Variants in SV2B observed in about 807,000 individuals in gnomAD.
SV2B encodes the protein synaptic vesicle glycoprotein 2B.
SV2B carries 41 observed loss-of-function variants against 73.9 expected under a neutral mutation model. The observed-to-expected ratio is 0.56, with a 90% CI of 0.43 to 0.72. SV2B has a LOEUF of 0.72. Among genes scored for constraint, SV2B ranks in the 30% least tolerant of loss-of-function variants. The pLI, the probability that SV2B is intolerant of heterozygous loss-of-function variation, is 0.00. For missense variants in SV2B, 764 were observed against 857.8 expected, an observed-to-expected ratio of 0.89 and a Z score of 1.37; for synonymous variants, 314 against 314.2, an observed-to-expected ratio of 1.00 and a Z score of 0.01.
At chr15:91,183,440 C>G (rs2044658957) in intron 1 of SV2B, among the ~76,000 whole-genome samples, 1 of 152,202 alleles carries the variant, frequency 6.6e-6, no homozygotes, top group Non-Finnish European at 1.5e-5. Context: ...TATGAACTGT[C>G]TAGATAACTG....
At chr15:91,276,783 C>G (rs149893551) in intron 9 of SV2B, among the ~76,000 whole-genome samples, 2 of 141,884 alleles carry the variant, frequency 1.4e-5, no homozygotes, top group East Asian at 4.0e-4. Context: ...CTGATAGTTC[C>G]AGTATTTATA....
At position 91,281,940 on chromosome 15, in the gene SV2B, A is replaced by G. The variant is rs1006306145; in HGVS notation, c.1507+79A>G. On this transcript the variant is annotated intron_variant, in intron 10 of 12. Coordinates refer to ENST00000394232, the MANE Select transcript of SV2B (RefSeq NM_001323032.3). The surrounding 1 kb of genome is among the most constrained non-coding windows in gnomAD (Gnocchi z 4.7). Reference sequence around the variant, plus strand: ...TGTCCAAGAATCAAAATGGTCAGGCATAAACTTTAGGAGTAGGAAAGTATT... The same window carrying G: ...TGTCCAAGAATCAAAATGGTCAGGCGTAAACTTTAGGAGTAGGAAAGTATT... 25 of 1,479,906 alleles carry G rather than the reference A, an allele frequency of 1.7e-5. No individual in the cohort carries two copies. The highest frequency in any genetic ancestry group is 2.3e-5 in the Non-Finnish European group (25 of 1,099,240). 91.7% of individuals were successfully genotyped at this position (1,479,906 alleles called of 1,614,324 possible). A position where few individuals can be genotyped will look rare whatever the true frequency, so the allele number is the denominator to read the frequency against.
At chr15:91,163,571 A>C (rs1285616043) in intron 1 of SV2B, among the ~76,000 whole-genome samples, 1 of 152,174 alleles carries the variant, frequency 6.6e-6, no homozygotes, top group Non-Finnish European at 1.5e-5. Flanking sequence ...TCTTTTGAGA[A>C]GTGTCTGTTC....
intron 9 of SV2B, among the ~76,000 whole-genome samples, chr15:91,276,883 A>G (rs1314377433): frequency 6.8e-6 from 1 of 147,412 alleles, no homozygotes; most frequent in Non-Finnish European, 1.5e-5. Context: ...GCGCAATGGC[A>G]TGATCTCAGC....
Position 91,290,702 on chromosome 15 carries a change from A to G in SV2B, c.1868+1022A>G, listed in dbSNP as rs1316249944. On this transcript the variant is annotated intron_variant, in intron 12 of 12. Transcript: ENST00000394232. The surrounding 1 kb of genome is among the most constrained non-coding windows in gnomAD (Gnocchi z 4.7). The stretch of plus-strand genomic sequence containing the variant: ...AAACACTCAAATGAAGAAAACCATA[A>G]AGCTTTACTAAGAGATATAAAAAAA... Among the ~76,000 whole-genome samples, 1 of 152,218 alleles carries G rather than the reference A, an allele frequency of 6.6e-6. No homozygotes were observed. Among genetic ancestry groups the G allele is most frequent in the Admixed American group, 6.5e-5 (1 of 15,278 alleles).
chr15:91,286,018 C>T (rs1027284845), intron 11 of SV2B, among the ~76,000 whole-genome samples: 3 of 152,210 alleles, frequency 2.0e-5, no homozygotes, highest in Non-Finnish European at 2.9e-5. Flanking sequence ...GGCACGCTCT[C>T]GAATGAGAGA....
chr15:91,225,310 A>G (rs943066515), intron 1 of SV2B, among the ~76,000 whole-genome samples: 4 of 151,650 alleles, frequency 2.6e-5, no homozygotes, highest in Non-Finnish European at 5.9e-5. Flanking sequence ...GTTTCCGGCT[A>G]TTTTTTTTGG....
At chr15:91,134,430 C>A (rs951721460) in intron 1 of SV2B, among the ~76,000 whole-genome samples, 1 of 152,150 alleles carries the variant, frequency 6.6e-6, no homozygotes, top group African/African-American at 2.4e-5. Flanking sequence ...TGTGGAAATA[C>A]CTTGAGGGAT....
rs1453960758 is a variant in SV2B at position 91,220,463 on chromosome 15, T to C, written c.-391-5410T>C. ...TTGCTCTTGGAATTCTATTTTTCAC[T>C]GAAAGGAGAATATTAAAAGCCTAAT... On this transcript the variant is annotated intron_variant, in intron 1 of 12. Transcript: ENST00000394232. This position sits in a 1 kb window ranked among gnomAD's most constrained non-coding sequence, Gnocchi z 4.1. 6.6e-6 allele frequency among the ~76,000 whole-genome samples: 1 copy of C among 152,264 alleles called. No individual in the cohort carries two copies. The highest frequency in any genetic ancestry group is 1.5e-5 in the Non-Finnish European group (1 of 68,046).
At position 91,245,470 on chromosome 15, in the gene SV2B, C is replaced by A. The variant is rs138496675; in HGVS notation, c.452-6349C>A. ...TAAAGCCTGCTGACAACAGCTGTCT[C>A]TGAGTGGTGGTATGATGAATAGATT... On this transcript the variant is annotated intron_variant, in intron 2 of 12. Transcript: ENST00000394232. This position sits in a 1 kb window ranked among gnomAD's most constrained non-coding sequence, Gnocchi z 4.2. 3.3e-5 allele frequency among the ~76,000 whole-genome samples: 5 copies of A among 152,322 alleles called. No homozygotes were observed. The East Asian group carries it at 9.6e-4, about 29-fold the overall frequency.
Position 91,284,923 on chromosome 15 carries a change from G to C in SV2B, c.1708+702G>C, listed in dbSNP as rs2048808860. ...ACATGCCATGAATGGTAAACAAGAA[G>C]CAAAATGTACAGATTGAGGACCAGG... On this transcript the variant is annotated intron_variant, in intron 11 of 12. Coordinates refer to ENST00000394232, the MANE Select transcript of SV2B (RefSeq NM_001323032.3). The surrounding 1 kb of genome is among the most constrained non-coding windows in gnomAD (Gnocchi z 4.5). 6.6e-6 allele frequency among the ~76,000 whole-genome samples: 1 copy of C among 152,162 alleles called. No homozygotes were observed. The highest frequency in any genetic ancestry group is 1.5e-5 in the Non-Finnish European group (1 of 68,022).
At chr15:91,180,164 G>T (rs1364085183) in intron 1 of SV2B, among the ~76,000 whole-genome samples, 2 of 151,964 alleles carry the variant, frequency 1.3e-5, no homozygotes, top group African/African-American at 2.4e-5. Flanking sequence ...GCTTAGTTTG[G>T]CTGGATATGA....
At chr15:91,162,326 A>G (rs758162774) in intron 1 of SV2B, among the ~76,000 whole-genome samples, 1 of 152,214 alleles carries the variant, frequency 6.6e-6, no homozygotes, top group Admixed American at 6.5e-5. Context: ...CAATAACAAG[A>G]AGTAGGAGCC....
intron 1 of SV2B, among the ~76,000 whole-genome samples, chr15:91,185,792 A>G (rs1369894812): frequency 6.6e-6 from 1 of 152,198 alleles, no homozygotes; most frequent in Non-Finnish European, 1.5e-5. Flanking sequence ...CTTTGTCCAA[A>G]TCAAGGAACT....
In SV2B at chr15:91,296,220, C is replaced by A. The variant is rs1031357473; in HGVS notation, c.*3668C>A. Reference sequence around the variant, plus strand: ...GGACATTGGTGAGTGGGGTAAGAATCCCCGTAGCCCTGGGAAAGGTGTCTC... The same window carrying A: ...GGACATTGGTGAGTGGGGTAAGAATACCCGTAGCCCTGGGAAAGGTGTCTC... On this transcript the variant is annotated 3_prime_UTR_variant, in exon 13 of 13. Transcript: ENST00000394232. 2.6e-5 allele frequency: 4 copies of A among 152,186 alleles called. No individual in the cohort carries two copies. The highest frequency in any genetic ancestry group is 9.7e-5 in the African/African-American group (4 of 41,436). The allele number at this position is 152,186 out of a possible 1,614,324, so 9.4% of individuals were successfully genotyped here.
chr15:91,153,464 T>A (rs1474502811), intron 1 of SV2B, among the ~76,000 whole-genome samples: 1 of 152,130 alleles, frequency 6.6e-6, no homozygotes, highest in Non-Finnish European at 1.5e-5. Context: ...GGCATTTAGC[T>A]TCCCCAAGGC....
chr15:91,212,626 A>G (rs2045905995), intron 1 of SV2B, among the ~76,000 whole-genome samples: 1 of 152,078 alleles, frequency 6.6e-6, no homozygotes, highest in Non-Finnish European at 1.5e-5. Context: ...ATGGCAAGGT[A>G]AAGTGGAATT....
rs1178987138 is a variant in SV2B at position 91,267,547 on chromosome 15, G to C, written c.1120-8G>C. 6.2e-7 allele frequency: 1 copy of C among 1,610,098 alleles called. No individual in the cohort carries two copies. Among genetic ancestry groups the C allele is most frequent in the Non-Finnish European group, 8.5e-7 (1 of 1,176,966 alleles). On this transcript the variant is annotated splice_region_variant and splice_polypyrimidine_tract_variant and intron_variant, in intron 7 of 12. Coordinates refer to ENST00000394232, the MANE Select transcript of SV2B (RefSeq NM_001323032.3). The surrounding 1 kb of genome is among the most constrained non-coding windows in gnomAD (Gnocchi z 4.3). ...TCTTTAACAATCCTTCTCTGGTATGGGTTGTAGGTCTGGGATAATGCCCTG... is the reference window on the plus strand; with the variant it reads ...TCTTTAACAATCCTTCTCTGGTATGCGTTGTAGGTCTGGGATAATGCCCTG...
rs1041672024 is a variant in SV2B, at chr15:91,288,923, C to T, written c.1709-598C>T. On this transcript the variant is annotated intron_variant, in intron 11 of 12. Coordinates refer to ENST00000394232, the MANE Select transcript of SV2B (RefSeq NM_001323032.3). This position sits in a 1 kb window ranked among gnomAD's most constrained non-coding sequence, Gnocchi z 5.8. The stretch of plus-strand genomic sequence containing the variant: ...GAACTCCTGACCTCAAGTGATCCAC[C>T]CACCTTGGCCTCCCAAAGTGCTGGG... Among the ~76,000 whole-genome samples the T allele has an allele frequency of 3.3e-5, 5 of 152,110 alleles. No individual in the cohort carries two copies. The highest frequency in any genetic ancestry group is 3.3e-4 in the Admixed American group (5 of 15,276).
Sources: allele counts gnomAD v4.1 joint callset (sites outside exome capture counted in the v4.1 genomes callset), GRCh38; gene constraint gnomAD v4.1.1; non-coding constraint Gnocchi (gnomAD v3.1); transcripts MANE v1.5; gene names NCBI Gene and HGNC (gene_info 2026-07-23, HGNC 2026-07-21).